The following SGCZ variants were observed in gnomAD, a reference collection of about 807,000 sequenced individuals.
SGCZ encodes zeta-sarcoglycan.
In SGCZ, 40 loss-of-function variants were observed where a neutral mutation model predicts 41.3. The observed-to-expected ratio is 0.97, with a 90% confidence interval of 0.75 to 1.26. SGCZ has a LOEUF of 1.26. Among genes scored for constraint, SGCZ ranks in the 50% most tolerant of loss-of-function variants. The pLI, the probability that SGCZ is intolerant of heterozygous loss-of-function variation, is 0.00. For synonymous variants in SGCZ, 206 were observed against 137.5 expected, an observed-to-expected ratio of 1.50 and a Z score of -3.49; for missense variants, 552 against 369.8, an observed-to-expected ratio of 1.49 and a Z score of -4.04.
chr8:14,240,501 G>C (rs376071777), intron 3 of SGCZ, among the ~76,000 whole-genome samples: 26 of 151,504 alleles, frequency 1.7e-4, no homozygotes, highest in Non-Finnish European at 3.2e-4. Flanking sequence ...TTTTTTGTCA[G>C]AATTAAAATT....
Position 15,238,424 on chromosome 8 carries a change from C to T in SGCZ, c.-801G>A, listed in dbSNP as rs969865339. ...TGACTTCGCTTCTCTCTTCCCACAG[C>T]CAACACTAAGGGGATTTCTCTCATC... On this transcript the variant is annotated 5_prime_UTR_variant, in exon 1 of 8. Coordinates refer to ENST00000382080, the MANE Select transcript of SGCZ (RefSeq NM_139167.4). 5 of 152,228 alleles carry T rather than the reference C, an allele frequency of 3.3e-5. No individual in the cohort carries two copies. Among genetic ancestry groups the T allele is most frequent in the African/African-American group, 9.7e-5 (4 of 41,446 alleles). The allele number at this position is 152,228 out of a possible 1,614,324, so 9.4% of individuals were successfully genotyped here. A position where few individuals can be genotyped will look rare whatever the true frequency, so the allele number is the denominator to read the frequency against.
At chr8:14,211,177 G>A (rs1227329232) in intron 4 of SGCZ, among the ~76,000 whole-genome samples, 1 of 152,146 alleles carries the variant, frequency 6.6e-6, no homozygotes, top group Non-Finnish European at 1.5e-5. Flanking sequence ...TCAGTAGAGG[G>A]CGCTGGAGGG....
intron 6 of SGCZ, among the ~76,000 whole-genome samples, chr8:14,105,118 G>GT (rs540092521): frequency 7.7e-4 from 117 of 151,636 alleles, no homozygotes; most frequent in Middle Eastern, 6.8e-3. Context: ...TATTTAACAT[G>GT]TTTTTTTTAG....
chr8:14,697,982 CGTT>C (rs542747738), intron 1 of SGCZ, among the ~76,000 whole-genome samples: 283 of 152,044 alleles, frequency 1.9e-3, no homozygotes, highest in Middle Eastern at 3.4e-3. Flanking sequence ...ATTTGTTGAA[CGTT>C]TAGTCTGCTT....
At chr8:14,922,702 A>G (rs1365403859) in intron 1 of SGCZ, among the ~76,000 whole-genome samples, 2 of 152,250 alleles carry the variant, frequency 1.3e-5, no homozygotes, top group Non-Finnish European at 2.9e-5. Context: ...AGGGATATAA[A>G]GCAATCTAAG....
At chr8:14,526,697 G>C (rs184681507) in intron 2 of SGCZ, among the ~76,000 whole-genome samples, 44 of 152,150 alleles carry the variant, frequency 2.9e-4, no homozygotes, top group Admixed American at 6.6e-4. Context: ...GTTTCTAGTA[G>C]TTTCATTGTT....
intron 4 of SGCZ, among the ~76,000 whole-genome samples, chr8:14,187,723 G>A (rs577859338): frequency 6.6e-6 from 1 of 152,150 alleles, no homozygotes; most frequent in South Asian, 2.1e-4. Flanking sequence ...GAATGTGAAC[G>A]TGTGTGTAAT....
intron 1 of SGCZ, among the ~76,000 whole-genome samples, chr8:14,811,988 C>A (rs1801751809): frequency 6.6e-6 from 1 of 151,868 alleles, no homozygotes; most frequent in South Asian, 2.1e-4. Context: ...GAATGATATG[C>A]AACTCAGGAA....
intron 1 of SGCZ, among the ~76,000 whole-genome samples, chr8:14,883,182 A>G (rs1266085723): frequency 6.6e-6 from 1 of 151,888 alleles, no homozygotes; most frequent in African/African-American, 2.4e-5. Context: ...GAAACAGAAC[A>G]GAACAGAAAG....
chr8:14,244,884 GCT>G (rs1284195520), intron 3 of SGCZ, among the ~76,000 whole-genome samples: 1 of 151,842 alleles, frequency 6.6e-6, no homozygotes, highest in Middle Eastern at 3.2e-3. Flanking sequence ...TCATGATTTG[GCT>G]CTCTGTTTGT....
At chr8:15,131,805 TA>T (rs1258406289) in intron 1 of SGCZ, among the ~76,000 whole-genome samples, 1 of 152,138 alleles carries the variant, frequency 6.6e-6, no homozygotes. Flanking sequence ...AGGGAATGGC[TA>T]AAAAAACATC....
At chr8:14,424,525 T>C (rs1799723164) in intron 2 of SGCZ, among the ~76,000 whole-genome samples, 1 of 152,208 alleles carries the variant, frequency 6.6e-6, no homozygotes, top group Non-Finnish European at 1.5e-5. Context: ...AATATGTGTG[T>C]GTGTATATAT....
chr8:15,218,871 T>C (rs922597664), intron 1 of SGCZ, among the ~76,000 whole-genome samples: 1 of 152,154 alleles, frequency 6.6e-6, no homozygotes, highest in African/African-American at 2.4e-5. Context: ...GAATCGACAT[T>C]TAGTAAAGTT....
chr8:14,193,253 A>G (rs1805161550), intron 4 of SGCZ, among the ~76,000 whole-genome samples: 1 of 151,800 alleles, frequency 6.6e-6, no homozygotes, highest in African/African-American at 2.4e-5. Context: ...TAATTTTGTT[A>G]TTTGTGATAT....
chr8:14,523,584 T>C (rs1802853090), intron 2 of SGCZ, among the ~76,000 whole-genome samples: 1 of 152,088 alleles, frequency 6.6e-6, no homozygotes, highest in African/African-American at 2.4e-5. Context: ...CTCTTATTGC[T>C]TTTATAAATT....
intron 1 of SGCZ, among the ~76,000 whole-genome samples, chr8:14,961,443 C>A (rs1800963579): frequency 1.3e-5 from 2 of 152,046 alleles, no homozygotes; most frequent in South Asian, 2.1e-4. Flanking sequence ...TTTTTGTAGG[C>A]TCAGCTACCG....
At chr8:15,119,912 C>T (rs1807415183) in intron 1 of SGCZ, among the ~76,000 whole-genome samples, 1 of 152,166 alleles carries the variant, frequency 6.6e-6, no homozygotes, top group South Asian at 2.1e-4. Flanking sequence ...TGAGCTCAAG[C>T]CATCCTCTTG....
rs1265030315 is a variant in SGCZ, at chr8:14,089,647, A to G, written c.*796T>C. Among the ~76,000 whole-genome samples, 1 of 152,010 alleles carries G rather than the reference A, an allele frequency of 6.6e-6. No individual in the cohort carries two copies. The highest frequency in any genetic ancestry group is 6.6e-5 in the Admixed American group (1 of 15,222). The stretch of plus-strand genomic sequence containing the variant: ...TTAATCCTGTCTTATATTGCAATAG[A>G]GTAGATGTTTTGTTAAAAGCAAATA... On this transcript the variant is annotated 3_prime_UTR_variant, in exon 8 of 8. Coordinates refer to ENST00000382080, the MANE Select transcript of SGCZ (RefSeq NM_139167.4).
At chr8:14,900,759 T>C (rs1798945218) in intron 1 of SGCZ, among the ~76,000 whole-genome samples, 1 of 152,220 alleles carries the variant, frequency 6.6e-6, no homozygotes, top group South Asian at 2.1e-4. Context: ...AAGATGCAAA[T>C]TGCATGAATA....
Sources: gnomAD v4.1 joint callset for allele counts (sites outside exome capture counted in the v4.1 genomes callset) on GRCh38, gnomAD v4.1.1 for gene constraint, MANE v1.5 for transcripts, NCBI Gene and HGNC (gene_info 2026-07-23, HGNC 2026-07-21) for gene names.